PPFIA1: variants seen among roughly 807,000 people sequenced by gnomAD.
PPFIA1 encodes PPFI scaffold protein A1, also known as liprin-alpha-1.
In PPFIA1, 25 loss-of-function variants were observed where a neutral mutation model predicts 149.9. The observed-to-expected ratio is 0.17, with a 90% confidence interval of 0.12 to 0.23. The LOEUF (loss-of-function observed/expected upper bound fraction) is 0.23. PPFIA1 is among the 10% of genes least tolerant of loss of function. The pLI, the probability that PPFIA1 is intolerant of heterozygous loss-of-function variation, is 1.00. For missense variants in PPFIA1, 1,362 were observed against 1,506.5 expected (o/e 0.90, Z 1.59); for synonymous variants, 549 against 552.8 (o/e 0.99, Z 0.10).
At chr11:70,356,959 G>GAGGA (rs1565442098) in intron 19 of PPFIA1, among the ~76,000 whole-genome samples, 1 of 152,146 alleles carries the variant, frequency 6.6e-6, no homozygotes, top group Non-Finnish European at 1.5e-5. Context: ...CAGGCATTGT[G>GAGGA]ATGCCCCAGG....
chr11:70,372,745 G>A (rs1399065159), intron 23 of PPFIA1, among the ~76,000 whole-genome samples, 171 bp downstream of exon 23: 4 of 152,210 alleles, frequency 2.6e-5, no homozygotes, highest in Admixed American at 1.3e-4. Flanking sequence ...GTGCTTTTGA[G>A]ATTCTCTTCC....
chr11:70,331,932 A>G, intron 8 of PPFIA1, 28 bp from the exon 9 acceptor site: 1 of 1,590,934 alleles, frequency 6.3e-7, no homozygotes, highest in Non-Finnish European at 8.5e-7. Context: ...GATTTGTTGC[A>G]TTTTGATGCT....
At chr11:70,345,062 G>A (rs1158516472) in intron 15 of PPFIA1, among the ~76,000 whole-genome samples, 3 of 149,150 alleles carry the variant, frequency 2.0e-5, no homozygotes, top group African/African-American at 7.4e-5. Flanking sequence ...CAAGCAGCCC[G>A]TACTCTAGGA....
intron 2 of PPFIA1, among the ~76,000 whole-genome samples, chr11:70,281,386 C>T (rs2136088009): frequency 6.6e-6 from 1 of 152,282 alleles, no homozygotes; most frequent in Middle Eastern, 3.4e-3. Context: ...CTGGTGTAAC[C>T]ATCCGGGGGT....
In PPFIA1 at chr11:70,328,959, G is replaced by A. The variant is rs572254454; in HGVS notation, c.931-1214G>A. ...AGGTATTTCTCAAGCAAAAAGTTCT[G>A]GTCCTAGCCTTAAGTGTTTGAAACT... On this transcript the variant is annotated intron_variant, in intron 7 of 27. Transcript: ENST00000253925. 3.9e-5 allele frequency among the ~76,000 whole-genome samples: 6 copies of A among 152,134 alleles called. No individual in the cohort carries two copies. The South Asian group carries it at 6.2e-4, about 16-fold the overall frequency.
In PPFIA1 at chr11:70,326,756, G is replaced by A; in HGVS notation, c.868G>A (p.Ala290Thr). 3 of 1,614,164 alleles carry A rather than the reference G, an allele frequency of 1.9e-6. No homozygotes were observed. Among genetic ancestry groups the A allele is most frequent in the Non-Finnish European group, 1.7e-6 (2 of 1,180,038 alleles). The change falls in exon 7 of 28, where the codon GCT (alanine) becomes ACT (threonine). Residue 290 changes from alanine to threonine, a missense_variant. By Grantham distance (58) the Ala-to-Thr change is moderately conservative. Coordinates refer to ENST00000253925, the MANE Select transcript of PPFIA1 (RefSeq NM_003626.5). The stretch of plus-strand genomic sequence containing the variant: ...AGAACTGGAAGAGGATCTGGACACG[G>A]CTAGAAAAGATCTCATCAAATCTGA... Reference protein sequence around the residue: ...VTELEEDLDTARKDLIKSEEM... With the variant: ...VTELEEDLDTTRKDLIKSEEM...
At chr11:70,332,132 C>A in intron 9 of PPFIA1, 38 bp downstream of exon 9, 1 of 1,549,830 alleles carries the variant, frequency 6.5e-7, no homozygotes, top group Non-Finnish European at 8.7e-7. Context: ...GGCTGCCAGG[C>A]CTGTGACTGT....
chr11:70,322,527 G>A (rs1032329411), intron 2 of PPFIA1, among the ~76,000 whole-genome samples: 1 of 152,136 alleles, frequency 6.6e-6, no homozygotes, highest in Non-Finnish European at 1.5e-5. Flanking sequence ...TCTCTGAAGA[G>A]GTTTCAGCAC....
In PPFIA1 at chr11:70,335,549, T is replaced by C; in HGVS notation, c.1297-14T>C. On this transcript the variant is annotated splice_polypyrimidine_tract_variant and intron_variant, in intron 10 of 27. Coordinates refer to ENST00000253925, the MANE Select transcript of PPFIA1 (RefSeq NM_003626.5). ...TTACGTGAGGTTTATAAGACTTTGT[T>C]TCTCCTGCTTTAGGCAAGGCAAAGA... 1 of 1,612,634 alleles carries C rather than the reference T, an allele frequency of 6.2e-7. No individual in the cohort carries two copies. The highest frequency in any genetic ancestry group is 8.5e-7 in the Non-Finnish European group (1 of 1,179,352).
intron 21 of PPFIA1, among the ~76,000 whole-genome samples, chr11:70,368,525 C>A (rs1286047808): frequency 6.6e-6 from 1 of 152,134 alleles, no homozygotes; most frequent in African/African-American, 2.4e-5. Context: ...GGGTACCTTC[C>A]TTCGATATGT....
At chr11:70,282,130 C>T (rs1382311269) in intron 2 of PPFIA1, among the ~76,000 whole-genome samples, 1 of 152,034 alleles carries the variant, frequency 6.6e-6, no homozygotes, top group Non-Finnish European at 1.5e-5. Context: ...CACTTAAAGA[C>T]AGTAGAGCAA....
intron 2 of PPFIA1, among the ~76,000 whole-genome samples, chr11:70,276,155 G>A (rs981038083): frequency 7.2e-5 from 11 of 152,030 alleles, no homozygotes; most frequent in South Asian, 2.1e-4. Context: ...TACCCAGCCC[G>A]GAGTGCAGTG....
chr11:70,331,625 C>G (rs1271218262), intron 8 of PPFIA1, among the ~76,000 whole-genome samples: 1 of 151,976 alleles, frequency 6.6e-6, no homozygotes, highest in Non-Finnish European at 1.5e-5. Context: ...ACTAAAAATA[C>G]AAAAATTAGC....
Position 70,325,540 on chromosome 11 carries a change from T to C in PPFIA1, c.572T>C (p.Leu191Ser). ...RLRVALERCSLLEEELGATHK... is the reference protein window; with the variant it reads ...RLRVALERCSSLEEELGATHK... ...CGAGTAGCACTTGAAAGATGTAGTT[T>C]GTTAGAAGAGGAATTAGGTGCCACA... Residue 191 changes from leucine to serine, a missense_variant, in exon 5 of 28, where the codon TTG becomes TCG. This residue lies in a region of PPFIA1 where 79 missense variants were observed against 146.2 expected (regional missense o/e 0.54). Transcript: ENST00000253925. 1 of 1,595,240 alleles carries C rather than the reference T, an allele frequency of 6.3e-7. No individual in the cohort carries two copies.
intron 2 of PPFIA1, among the ~76,000 whole-genome samples, chr11:70,315,839 C>T (rs951457489): frequency 6.6e-6 from 1 of 151,822 alleles, no homozygotes; most frequent in African/African-American, 2.4e-5. Flanking sequence ...CTTCCCAAAC[C>T]GAAACTCCAT....
chr11:70,371,103 G>A (rs2057214390), intron 21 of PPFIA1, among the ~76,000 whole-genome samples: 1 of 152,208 alleles, frequency 6.6e-6, no homozygotes, highest in African/African-American at 2.4e-5. Context: ...CTGCACTCCA[G>A]CCTGGGCGAC....
intron 2 of PPFIA1, among the ~76,000 whole-genome samples, chr11:70,304,931 C>T (rs1471165723): frequency 6.6e-6 from 1 of 152,126 alleles, no homozygotes; most frequent in Non-Finnish European, 1.5e-5. Context: ...AGTGCCCTGC[C>T]CTTCTCAAGT....
At chr11:70,318,224 A>G (rs1213242432) in intron 2 of PPFIA1, among the ~76,000 whole-genome samples, 2 of 152,170 alleles carry the variant, frequency 1.3e-5, no homozygotes, top group Non-Finnish European at 2.9e-5. Context: ...ATGCCATTTC[A>G]TACCTTCTCC....
At chr11:70,318,233 C>T (rs541565710) in intron 2 of PPFIA1, among the ~76,000 whole-genome samples, 1 of 152,350 alleles carries the variant, frequency 6.6e-6, no homozygotes, top group South Asian at 2.1e-4. Flanking sequence ...CATACCTTCT[C>T]CTCTCCTATC....
Sources: gnomAD v4.1 joint callset for allele counts (sites outside exome capture counted in the v4.1 genomes callset) on GRCh38, gnomAD v4.1.1 for gene constraint, gnomAD v4.1.1 regional missense constraint, MANE v1.5 for transcripts, NCBI Gene and HGNC (gene_info 2026-07-23, HGNC 2026-07-21) for gene names.